Variants in PALLD observed in about 807,000 individuals in gnomAD.
PALLD encodes the protein palladin.
In PALLD, 61 loss-of-function variants were observed where a neutral mutation model predicts 123.5. The observed-to-expected ratio is 0.49, with a 90% CI of 0.40 to 0.61. The LOEUF (loss-of-function observed/expected upper bound fraction) is 0.61, where lower values mean the gene tolerates loss of function less well. Ranked by LOEUF, PALLD falls within the 20% of genes least tolerant of loss-of-function variation. The probability of loss-of-function intolerance (pLI) is 0.00; values close to 1 mark genes in which losing one functional copy is unlikely to be tolerated. For missense variants in PALLD, 1,273 were observed against 1,377.0 expected, an observed-to-expected ratio of 0.92 and a Z score of 1.20; for synonymous variants, 465 against 496.4, an observed-to-expected ratio of 0.94 and a Z score of 0.84.
Position 168,587,717 on chromosome 4 carries a change from G to A in PALLD, c.908+75305G>A, listed in dbSNP as rs1326756452. Among the ~76,000 whole-genome samples the A allele has an allele frequency of 6.6e-5, 10 of 152,196 alleles. No individual in the cohort carries two copies. In the East Asian group the frequency reaches 1.9e-3, roughly 29 times the overall value. ...CCCTAACCAGTGCTACTAAGACTAA[G>A]GATTTCACCACCTCCTCCCATTTTC... On this transcript the variant is annotated intron_variant, in intron 2 of 21. Transcript: ENST00000505667.
At chr4:168,761,645 G>GTTTGTTTTTT (rs1561493717) in intron 10 of PALLD, among the ~76,000 whole-genome samples, 1 of 88,020 alleles carries the variant, frequency 1.1e-5, no homozygotes. Context: ...GTTGTTGTTT[G>GTTTGTTTTTT]TTTTTTTTTT....
intron 2 of PALLD, among the ~76,000 whole-genome samples, chr4:168,525,153 T>C (rs2149465472): frequency 6.6e-6 from 1 of 152,326 alleles, no homozygotes; most frequent in South Asian, 2.1e-4. Flanking sequence ...GGACACACAC[T>C]GCTGCCTAAA....
chr4:168,507,713 G>A (rs1334535814), intron 1 of PALLD: 12 of 184,316 alleles, frequency 6.5e-5, no homozygotes, highest in Non-Finnish European at 1.2e-4. Context: ...GTCTGGTGAT[G>A]TTTCTCAAGG....
At chr4:168,738,786 C>T (rs2150339009) in intron 10 of PALLD, among the ~76,000 whole-genome samples, 1 of 150,642 alleles carries the variant, frequency 6.6e-6, no homozygotes, top group Non-Finnish European at 1.5e-5. Flanking sequence ...TCAATTCCTC[C>T]AGTTTTCATT....
rs117497462 is a variant in PALLD, at chr4:168,908,019, C to T, written c.2622+4113C>T. ...AAGACAGGCAAAAGGAAGGGAAACT[C>T]ATGAAGTCTAGGCCTCAGTGTGTAA... On this transcript the variant is annotated intron_variant, in intron 15 of 21. Coordinates refer to ENST00000505667, the MANE Select transcript of PALLD (RefSeq NM_001166108.2). 4.6e-5 allele frequency among the ~76,000 whole-genome samples: 7 copies of T among 152,280 alleles called. No homozygotes were observed. In the East Asian group the frequency reaches 1.3e-3, roughly 29 times the overall value.
intron 2 of PALLD, among the ~76,000 whole-genome samples, chr4:168,664,240 A>T (rs899676092): frequency 6.6e-6 from 1 of 151,590 alleles, no homozygotes; most frequent in Non-Finnish European, 1.5e-5. Flanking sequence ...TTTGTACTTT[A>T]AAAAAATAAA....
At chr4:168,725,396 T>C (rs531323277) in intron 10 of PALLD, among the ~76,000 whole-genome samples, 2 of 152,144 alleles carry the variant, frequency 1.3e-5, no homozygotes, top group South Asian at 4.1e-4. Flanking sequence ...ATAGTTCATA[T>C]ACCATCTGGT....
At chr4:168,532,300 A>C (rs1039987467) in intron 2 of PALLD, among the ~76,000 whole-genome samples, 1 of 152,190 alleles carries the variant, frequency 6.6e-6, no homozygotes, top group African/African-American at 2.4e-5. Context: ...CTACAGGGAA[A>C]TCAGATCTTC....
chr4:168,728,164 G>A (rs1347561272), intron 10 of PALLD, among the ~76,000 whole-genome samples: 1 of 152,108 alleles, frequency 6.6e-6, no homozygotes, highest in Admixed American at 6.5e-5. Context: ...TGTTCTTTTT[G>A]TTTGGGATTG....
At chr4:168,668,049 T>C in intron 2 of PALLD, 141 bp from the exon 3 acceptor site, 1 of 704,052 alleles carries the variant, frequency 1.4e-6, no homozygotes. Flanking sequence ...GAGTTTCCAT[T>C]AGTAACACTG....
chr4:168,715,757 T>C (rs753915306), intron 10 of PALLD, among the ~76,000 whole-genome samples: 18 of 152,302 alleles, frequency 1.2e-4, no homozygotes, highest in Non-Finnish European at 1.5e-4. Flanking sequence ...GAGACCATCC[T>C]GGCTAACACA....
At chr4:168,815,258 G>T (rs1199698072) in intron 10 of PALLD, among the ~76,000 whole-genome samples, 2 of 152,202 alleles carry the variant, frequency 1.3e-5, no homozygotes, top group Non-Finnish European at 2.9e-5. Flanking sequence ...AGAATTGCTT[G>T]GTGCTCCTGT....
chr4:168,681,536 C>G, intron 4 of PALLD, 138 bp downstream of exon 4: 1 of 447,154 alleles, frequency 2.2e-6, no homozygotes, highest in Non-Finnish European at 4.0e-6. Flanking sequence ...GAGGTTGGAA[C>G]ACAATTTTTT....
chr4:168,605,094 G>T (rs1347359508), intron 2 of PALLD, among the ~76,000 whole-genome samples: 1 of 152,006 alleles, frequency 6.6e-6, no homozygotes, highest in African/African-American at 2.4e-5. Flanking sequence ...TGATCAAGGG[G>T]GTAATTAACT....
chr4:168,583,204 G>A (rs1407282540), intron 2 of PALLD, among the ~76,000 whole-genome samples: 2 of 152,134 alleles, frequency 1.3e-5, no homozygotes, highest in Admixed American at 6.6e-5. Context: ...GGAAAAGTTA[G>A]GAGGATGAGA....
At chr4:168,810,821 A>T (rs540583177) in intron 10 of PALLD, among the ~76,000 whole-genome samples, 28 of 132,490 alleles carry the variant, frequency 2.1e-4, no homozygotes, top group Non-Finnish European at 3.4e-4. Flanking sequence ...TCTCAAAAAA[A>T]AAAAAGAAAA....
At chr4:168,748,701 A>AG (rs1382504580) in intron 10 of PALLD, among the ~76,000 whole-genome samples, 2 of 152,032 alleles carry the variant, frequency 1.3e-5, no homozygotes, top group Non-Finnish European at 2.9e-5. Flanking sequence ...AAGCTCCTTT[A>AG]GGTTATTAGC....
intron 10 of PALLD, among the ~76,000 whole-genome samples, chr4:168,759,929 CT>C (rs1732587443): frequency 6.6e-6 from 1 of 151,988 alleles, no homozygotes; most frequent in Admixed American, 6.6e-5. Context: ...TGGCTCACGC[CT>C]GTAATCCCAG....
At chr4:168,754,394 A>T (rs1450254228) in intron 10 of PALLD, among the ~76,000 whole-genome samples, 1 of 152,218 alleles carries the variant, frequency 6.6e-6, no homozygotes, top group Non-Finnish European at 1.5e-5. Context: ...ATTGATGTTT[A>T]TTCAAATGAG....
Sources: gnomAD v4.1 joint callset for allele counts (sites outside exome capture counted in the v4.1 genomes callset) on GRCh38, gnomAD v4.1.1 for gene constraint, MANE v1.5 for transcripts, NCBI Gene and HGNC (gene_info 2026-07-23, HGNC 2026-07-21) for gene names.